FRMD4A: variants seen among roughly 807,000 people sequenced by gnomAD.
FRMD4A encodes FERM domain containing 4A.
Under a neutral mutation model 129.1 loss-of-function variants are expected in FRMD4A, and 29 were observed. The ratio of observed to expected loss-of-function variants is 0.22; its 90% CI spans 0.17 to 0.31. FRMD4A has a LOEUF of 0.31. Ranked by LOEUF, FRMD4A falls within the 10% of genes least tolerant of loss-of-function variation. The pLI, the probability that FRMD4A is intolerant of heterozygous loss-of-function variation, is 1.00. For missense variants in FRMD4A, 1,272 were observed against 1,375.8 expected (o/e 0.92, Z 1.19); for synonymous variants, 634 against 571.6 (o/e 1.11, Z -1.56).
At chr10:13,941,157 T>C (rs2095288933) in intron 2 of FRMD4A, among the ~76,000 whole-genome samples, 1 of 152,066 alleles carries the variant, frequency 6.6e-6, no homozygotes, top group African/African-American at 2.4e-5. Context: ...AATTCCCAGG[T>C]GTTGTGGGAG....
intron 15 of FRMD4A, among the ~76,000 whole-genome samples, chr10:13,675,462 C>T (rs2083898696): frequency 1.3e-5 from 2 of 152,184 alleles, no homozygotes; most frequent in Non-Finnish European, 2.9e-5. Flanking sequence ...AGTACAGTGG[C>T]ATGATCTCGG....
chr10:13,747,945 G>C (rs557058321), intron 8 of FRMD4A, 126 bp from the exon 9 acceptor site: 2 of 668,590 alleles, frequency 3.0e-6, no homozygotes, highest in Non-Finnish European at 5.5e-6. Flanking sequence ...AAAAAGCAGT[G>C]GGGGGAAGGG....
chr10:13,926,924 A>G (rs906473909), intron 2 of FRMD4A, among the ~76,000 whole-genome samples: 2 of 152,186 alleles, frequency 1.3e-5, no homozygotes, highest in African/African-American at 4.8e-5. Context: ...AAGTTCTTCC[A>G]AGTCCTAAGA....
At chr10:14,084,427 G>A (rs563046376) in intron 2 of FRMD4A, among the ~76,000 whole-genome samples, 168 of 152,170 alleles carry the variant, frequency 1.1e-3, no homozygotes, top group Non-Finnish European at 1.7e-3. Flanking sequence ...GATTACAGGC[G>A]TGAGCCACTG....
rs115611869 is a variant in FRMD4A, at chr10:14,185,476, A to C, written c.45+144582T>G. ...CAGAAATTAGTACAAAAAACATTACAACATTTTGTAATTTTTCTAACTTCA... is the reference window on the plus strand; with the variant it reads ...CAGAAATTAGTACAAAAAACATTACCACATTTTGTAATTTTTCTAACTTCA... On this transcript the variant is annotated intron_variant, in intron 2 of 24. Transcript: ENST00000357447. Among the ~76,000 whole-genome samples, 546 of 152,344 alleles carry C rather than the reference A, an allele frequency of 3.6e-3. 3 individuals carry two copies. Among genetic ancestry groups the C allele is most frequent in the African/African-American group, 0.012 (491 of 41,568 alleles).
At chr10:14,144,766 T>C (rs1386540318) in intron 2 of FRMD4A, among the ~76,000 whole-genome samples, 1 of 152,044 alleles carries the variant, frequency 6.6e-6, no homozygotes, top group Non-Finnish European at 1.5e-5. Flanking sequence ...GGGAGTAGCT[T>C]TGGAAGCGGA....
In FRMD4A at chr10:13,796,533, T is replaced by C; in HGVS notation, c.262A>G (p.Lys88Glu). 6.2e-7 allele frequency: 1 copy of C among 1,600,898 alleles called. No homozygotes were observed. Among genetic ancestry groups the C allele is most frequent in the Non-Finnish European group, 8.6e-7 (1 of 1,167,984 alleles). Residue 88 changes from lysine (K) to glutamate (E), a missense_variant, in exon 5 of 25, where the codon AAA becomes GAA. Lys to Glu is a moderately conservative substitution (Grantham distance 56, BLOSUM62 1). Around this residue, in one of 2 missense-constraint regions of FRMD4A, gnomAD observed 300 missense variants for 483.6 expected, o/e 0.62. Transcript: ENST00000357447. ...TATAAAACCACGGGTCCTGACTTTT[T>C]AGGGAAGTCATGTTCCAATACTCTT... The part of the protein sequence containing the change: ...DRRVLEHDFP[K>E]KSGPVVLYFC...
intron 3 of FRMD4A, among the ~76,000 whole-genome samples, chr10:13,853,430 G>T (rs548504863): frequency 1.3e-5 from 2 of 152,246 alleles, no homozygotes; most frequent in African/African-American, 2.4e-5. Flanking sequence ...CCCAGCTACT[G>T]GAGAGGCTGA....
rs1220753746 is a variant in FRMD4A, at chr10:13,676,502, T to TG, written c.1118-1459dup. On this transcript the variant is annotated intron_variant, in intron 15 of 24. Transcript: ENST00000357447. ...GTTGGCCAGGCTGGTCTTGAACTCCTGACCTCAGGTGATCCACCCGCCTCA... is the reference window on the plus strand; with the variant it reads ...GTTGGCCAGGCTGGTCTTGAACTCCTGGACCTCAGGTGATCCACCCGCCTCA... 5.9e-5 allele frequency among the ~76,000 whole-genome samples: 9 copies of TG among 151,476 alleles called. No homozygotes were observed. The East Asian group carries it at 1.7e-3, about 29-fold the overall frequency.
chr10:14,217,002 G>A (rs548880249), intron 2 of FRMD4A, among the ~76,000 whole-genome samples: 22 of 152,278 alleles, frequency 1.4e-4, no homozygotes, highest in Non-Finnish European at 2.4e-4. Flanking sequence ...AAGGGAACAT[G>A]CTGGGAAGTC....
intron 2 of FRMD4A, among the ~76,000 whole-genome samples, chr10:13,967,832 G>T (rs2095494675): frequency 6.6e-6 from 1 of 152,224 alleles, no homozygotes. Flanking sequence ...GATGGCGTGA[G>T]CCCAGGAGTT....
chr10:14,098,310 A>C (rs985878319), intron 2 of FRMD4A, among the ~76,000 whole-genome samples: 4 of 151,270 alleles, frequency 2.6e-5, no homozygotes, highest in Admixed American at 2.6e-4. Flanking sequence ...TGCAGATCAT[A>C]TCATTCTCTC....
rs781674522 is a variant in FRMD4A at position 13,701,390 on chromosome 10, C to A, written c.925G>T (p.Ala309Ser). Residue 309 changes from alanine to serine, a missense_variant, in exon 14 of 25, where the codon GCT becomes TCT. Ala to Ser is a moderately conservative substitution (Grantham distance 99). Transcript: ENST00000357447. The part of the protein sequence containing the change: ...ACPALIKSIW[A>S]MAISQHQFYL... ...AACTGGTGTTGGCTTATGGCCATAG[C>A]CCAGATGGACTTGATCAATGCCGGA... The A allele has an allele frequency of 5.0e-6, 8 of 1,613,852 alleles. No individual in the cohort carries two copies. In the South Asian group the frequency reaches 6.6e-5, roughly 13 times the overall value.
intron 2 of FRMD4A, among the ~76,000 whole-genome samples, chr10:14,210,408 G>A (rs1842903448): frequency 6.6e-6 from 1 of 152,236 alleles, no homozygotes; most frequent in African/African-American, 2.4e-5. Context: ...AGTTTATGGT[G>A]TTTTGTTACA....
At chr10:14,074,834 A>G (rs1424918077) in intron 2 of FRMD4A, 1 of 152,224 alleles carries the variant, frequency 6.6e-6, no homozygotes, top group Non-Finnish European at 1.5e-5. Context: ...CTGGTAAGCC[A>G]TGGTGGATTG....
intron 2 of FRMD4A, among the ~76,000 whole-genome samples, chr10:14,249,321 C>T (rs532390742): frequency 4.1e-4 from 60 of 147,720 alleles, no homozygotes; most frequent in Non-Finnish European, 7.5e-4. Flanking sequence ...CACTGCACTC[C>T]AGCCTGAGCG....
At chr10:13,884,182 A>ACCCG (rs1208227939) in intron 2 of FRMD4A, among the ~76,000 whole-genome samples, 1 of 56,380 alleles carries the variant, frequency 1.8e-5, no homozygotes, top group African/African-American at 5.8e-5. Context: ...ACACTCACAC[A>ACCCG]CACACACACA....
At chr10:13,939,418 A>G (rs912355335) in intron 2 of FRMD4A, among the ~76,000 whole-genome samples, 1 of 152,206 alleles carries the variant, frequency 6.6e-6, no homozygotes, top group Admixed American at 6.5e-5. Flanking sequence ...CTTGGCCAGC[A>G]TAACTGCCAA....
At chr10:13,703,035 C>T (rs1263428180) in intron 13 of FRMD4A, among the ~76,000 whole-genome samples, 1 of 151,850 alleles carries the variant, frequency 6.6e-6, no homozygotes, top group Non-Finnish European at 1.5e-5. Context: ...TAAAAGAAAA[C>T]AGGGATCTGT....
Sources: allele counts gnomAD v4.1 joint callset (sites outside exome capture counted in the v4.1 genomes callset), GRCh38; gene constraint gnomAD v4.1.1; regional missense constraint gnomAD v4.1.1; transcripts MANE v1.5; gene names NCBI Gene and HGNC (gene_info 2026-07-23, HGNC 2026-07-21).